The following ZFHX3 variants were observed in gnomAD, a reference collection of about 807,000 sequenced individuals.
ZFHX3 encodes the protein zinc finger homeobox protein 3.
ZFHX3 carries 42 observed loss-of-function variants against 279.1 expected under a neutral mutation model. The ratio of observed to expected loss-of-function variants is 0.15; its 90% CI spans 0.12 to 0.19. ZFHX3 has a LOEUF of 0.19. ZFHX3 is among the 10% of genes least tolerant of loss of function. The pLI, the probability that ZFHX3 is intolerant of heterozygous loss-of-function variation, is 1.00. For synonymous variants in ZFHX3, 2,293 were observed against 1,957.8 expected, an observed-to-expected ratio of 1.17 and a Z score of -4.52; for missense variants, 4,981 against 4,754.0, an observed-to-expected ratio of 1.05 and a Z score of -1.40.
chr16:73,778,841 C>A (rs1303999964), intron 1 of ZFHX3, among the ~76,000 whole-genome samples: 1 of 152,092 alleles, frequency 6.6e-6, no homozygotes, highest in Non-Finnish European at 1.5e-5. Context: ...TGTGCCTGAG[C>A]CGAAGAAAAG....
At chr16:73,589,873 C>T (rs1359251744) in intron 2 of ZFHX3, among the ~76,000 whole-genome samples, 1 of 134,524 alleles carries the variant, frequency 7.4e-6, no homozygotes, top group Non-Finnish European at 1.6e-5. Flanking sequence ...TAAAATGAAA[C>T]AAGGGACGCT....
intron 8 of ZFHX3, among the ~76,000 whole-genome samples, chr16:73,085,332 G>T (rs10153220): frequency 0.025 from 3,843 of 152,188 alleles, 55 homozygotes; most frequent in Middle Eastern, 0.068. Context: ...CACAATCTTG[G>T]CTCACTGCAA....
chr16:73,346,849 G>C (rs954519705), intron 3 of ZFHX3, among the ~76,000 whole-genome samples: 1 of 152,202 alleles, frequency 6.6e-6, no homozygotes, highest in Non-Finnish European at 1.5e-5. Context: ...GGCCAAGGAA[G>C]AGGAGACTTC....
chr16:73,057,535 CAA>C (rs60945619), intron 1 of ZFHX3, among the ~76,000 whole-genome samples: 162 of 125,206 alleles, frequency 1.3e-3, no homozygotes, highest in Non-Finnish European at 2.0e-3. Context: ...TTCGCGAGAG[CAA>C]AAAAAAAAAA....
intron 4 of ZFHX3, among the ~76,000 whole-genome samples, chr16:73,286,524 T>C (rs950468660): frequency 6.6e-6 from 1 of 152,170 alleles, no homozygotes; most frequent in African/African-American, 2.4e-5. Flanking sequence ...GGTAAGGCTG[T>C]GTGGGTCGGT....
At chr16:73,083,021 T>TAAAAA (rs71156139) in intron 8 of ZFHX3, among the ~76,000 whole-genome samples, 26 of 132,044 alleles carry the variant, frequency 2.0e-4, no homozygotes, top group Admixed American at 1.7e-3. Flanking sequence ...CCATCTCTAC[T>TAAAAA]AAAAAAAAAA....
intron 1 of ZFHX3, among the ~76,000 whole-genome samples, chr16:73,888,754 C>T (rs541415779): frequency 6.6e-6 from 1 of 152,034 alleles, no homozygotes; most frequent in African/African-American, 2.4e-5. Flanking sequence ...TCTGGGCTGG[C>T]GGCTGTGATG....
intron 8 of ZFHX3, among the ~76,000 whole-genome samples, chr16:73,074,883 T>G (rs560336734): frequency 6.6e-6 from 1 of 152,212 alleles, no homozygotes; most frequent in South Asian, 2.1e-4. Flanking sequence ...TCACTACAAC[T>G]TCTGCCTCTG....
At chr16:73,561,578 A>G (rs1020664418) in intron 2 of ZFHX3, among the ~76,000 whole-genome samples, 3 of 152,200 alleles carry the variant, frequency 2.0e-5, no homozygotes, top group African/African-American at 7.2e-5. Context: ...CAGACACCTA[A>G]ACTTTCTCTT....
Position 72,812,102 on chromosome 16 carries a change from G to A in ZFHX3, c.3530-64C>T, listed in dbSNP as rs2143599105. ...CCAGGCCAGCTCCCAGAGGGTTTGTGTTGGGTGAAAATCAACATTCATTTA... is the reference window on the plus strand; with the variant it reads ...CCAGGCCAGCTCCCAGAGGGTTTGTATTGGGTGAAAATCAACATTCATTTA... On this transcript the variant is annotated intron_variant, in intron 5 of 9. Transcript: ENST00000268489. 2 of 1,559,420 alleles carry A rather than the reference G, an allele frequency of 1.3e-6. 1 individual carries two copies. The highest frequency in any genetic ancestry group is 1.7e-6 in the Non-Finnish European group (2 of 1,155,876).
chr16:73,691,360 T>C (rs1302641920), intron 1 of ZFHX3, among the ~76,000 whole-genome samples: 2 of 152,182 alleles, frequency 1.3e-5, no homozygotes, highest in Non-Finnish European at 2.9e-5. Flanking sequence ...GCTATCAAAA[T>C]ATTGACTGAA....
At chr16:73,406,759 T>A (rs188474999) in intron 3 of ZFHX3, among the ~76,000 whole-genome samples, 1 of 152,288 alleles carries the variant, frequency 6.6e-6, no homozygotes, top group Non-Finnish European at 1.5e-5. Context: ...AGGTCAATGA[T>A]CTGTGATTTG....
At chr16:73,626,674 C>G (rs2052420139) in intron 2 of ZFHX3, among the ~76,000 whole-genome samples, 1 of 152,108 alleles carries the variant, frequency 6.6e-6, no homozygotes, top group South Asian at 2.1e-4. Flanking sequence ...CTCTTTCCAT[C>G]TGCCAAACAC....
intron 2 of ZFHX3, among the ~76,000 whole-genome samples, chr16:73,603,465 G>A (rs1188850190): frequency 6.6e-6 from 1 of 152,054 alleles, no homozygotes; most frequent in Admixed American, 6.5e-5. Context: ...GATGGGCAAA[G>A]ATTAAAAATA....
At chr16:73,803,113 T>C (rs1321977317) in intron 1 of ZFHX3, among the ~76,000 whole-genome samples, 1 of 152,198 alleles carries the variant, frequency 6.6e-6, no homozygotes, top group East Asian at 1.9e-4. Flanking sequence ...CATTATTATT[T>C]CTAATATGCG....
At chr16:73,385,787 T>C (rs564171435) in intron 3 of ZFHX3, among the ~76,000 whole-genome samples, 150 of 152,332 alleles carry the variant, frequency 9.8e-4, no homozygotes, top group African/African-American at 3.5e-3. Context: ...GATGGCTTGC[T>C]GCCTGGGATG....
chr16:72,880,822 C>G (rs2038445605), intron 4 of ZFHX3, among the ~76,000 whole-genome samples: 1 of 152,104 alleles, frequency 6.6e-6, no homozygotes, highest in Non-Finnish European at 1.5e-5. Context: ...ACTATAAAAA[C>G]CCATTTAACA....
chr16:73,052,966 C>T (rs374971405), upstream of ZFHX3, among the ~76,000 whole-genome samples: 5 of 152,270 alleles, frequency 3.3e-5, no homozygotes, highest in African/African-American at 1.2e-4. Context: ...TCACATGGAG[C>T]CAAGTGTCAA....
intron 1 of ZFHX3, among the ~76,000 whole-genome samples, chr16:73,753,905 A>C (rs538038748): frequency 6.6e-6 from 1 of 152,092 alleles, no homozygotes; most frequent in Non-Finnish European, 1.5e-5. Flanking sequence ...GAAATAATGC[A>C]GTATCTACTA....
Sources: allele counts gnomAD v4.1 joint callset (sites outside exome capture counted in the v4.1 genomes callset), GRCh38; gene constraint gnomAD v4.1.1; transcripts MANE v1.5; gene names NCBI Gene and HGNC (gene_info 2026-07-23, HGNC 2026-07-21).